The following CLVS1 variants were observed in gnomAD, a reference collection of about 807,000 sequenced individuals.
CLVS1 encodes clavesin-1.
Under a neutral mutation model 33.1 loss-of-function variants are expected in CLVS1, and 10 were observed. The ratio of observed to expected loss-of-function variants is 0.30; its 90% CI spans 0.19 to 0.51. The LOEUF (loss-of-function observed/expected upper bound fraction) is 0.51. CLVS1 is among the 20% of genes least tolerant of loss of function. The probability of loss-of-function intolerance (pLI) is 0.97; values close to 1 mark genes in which losing one functional copy is unlikely to be tolerated. For missense variants in CLVS1, 343 were observed against 433.4 expected, an observed-to-expected ratio of 0.79 and a Z score of 1.85; for synonymous variants, 163 against 166.1, an observed-to-expected ratio of 0.98 and a Z score of 0.14.
intron 3 of CLVS1, among the ~76,000 whole-genome samples, chr8:61,437,470 C>T (rs931636250): frequency 1.3e-5 from 2 of 152,074 alleles, no homozygotes; most frequent in Non-Finnish European, 2.9e-5. Context: ...TATGGAGAAG[C>T]AATGTATACT....
chr8:61,366,616 G>A (rs1226492393), intron 2 of CLVS1, among the ~76,000 whole-genome samples: 2 of 152,184 alleles, frequency 1.3e-5, no homozygotes, highest in Non-Finnish European at 2.9e-5. Context: ...AAGGCAAGTT[G>A]GCACCATGCC....
chr8:60,985,261 G>A, the CLVS1 span, among the ~76,000 whole-genome samples: 1 of 152,202 alleles, frequency 6.6e-6, no homozygotes, highest in South Asian at 2.1e-4. Context: ...TCCGCTGTGA[G>A]TCCCCAGCTT....
chr8:61,316,548 A>G (rs1421316877), intron 2 of CLVS1, among the ~76,000 whole-genome samples: 2 of 152,218 alleles, frequency 1.3e-5, no homozygotes, highest in African/African-American at 4.8e-5. Context: ...GCTGTATCCT[A>G]ACTATGAAGT....
chr8:61,147,422 C>T (rs1028293183), intron 2 of CLVS1, among the ~76,000 whole-genome samples: 8 of 152,048 alleles, frequency 5.3e-5, no homozygotes, highest in Non-Finnish European at 1.0e-4. Flanking sequence ...TGAAAAAACC[C>T]GGGTGTAAAA....
intron 2 of CLVS1, among the ~76,000 whole-genome samples, chr8:61,358,061 T>A (rs1585854634): frequency 6.6e-6 from 1 of 152,210 alleles, no homozygotes; most frequent in East Asian, 1.9e-4. Flanking sequence ...AAATCCTGTT[T>A]CTTAAAGTCA....
rs140364985 is a variant in CLVS1, at chr8:61,178,557, C to T, written c.-152+46697C>T. On this transcript the variant is annotated intron_variant, in intron 2 of 2. Coordinates refer to the CLVS1 transcript ENST00000522621. Reference sequence around the variant, plus strand: ...AGACACATAATCATCAGATTCTCCACGGTTGAAATGAAGGAAAAAATGTTA... The same window carrying T: ...AGACACATAATCATCAGATTCTCCATGGTTGAAATGAAGGAAAAAATGTTA... Among the ~76,000 whole-genome samples, 880 of 152,084 alleles carry T rather than the reference C, an allele frequency of 5.8e-3. 3 individuals are homozygous for T. The highest frequency in any genetic ancestry group is 9.0e-3 in the Non-Finnish European group (611 of 67,998).
intron 2 of CLVS1, among the ~76,000 whole-genome samples, chr8:61,203,644 G>A (rs914515058): frequency 4.6e-5 from 7 of 152,138 alleles, no homozygotes; most frequent in Admixed American, 2.6e-4. Flanking sequence ...AGTCTTTGAA[G>A]AGGAACCTTT....
chr8:61,225,664 T>C (rs1014660143), intron 2 of CLVS1, among the ~76,000 whole-genome samples: 1 of 152,238 alleles, frequency 6.6e-6, no homozygotes, highest in Non-Finnish European at 1.5e-5. Context: ...AAAATCCTAC[T>C]TTATTTTTTC....
chr8:61,116,626 G>A (rs1350888489), intron 1 of CLVS1, among the ~76,000 whole-genome samples: 1 of 151,730 alleles, frequency 6.6e-6, no homozygotes, highest in Non-Finnish European at 1.5e-5. Context: ...ATTAAATAGG[G>A]AATCCTTTCC....
At chr8:61,152,998 C>T (rs1585647382) in intron 2 of CLVS1, among the ~76,000 whole-genome samples, 1 of 152,014 alleles carries the variant, frequency 6.6e-6, no homozygotes, top group Admixed American at 6.5e-5. Context: ...AAGTTGGTCT[C>T]TACAAAATAC....
chr8:61,063,295 T>TAGAG lies in CLVS1; in HGVS notation c.-243+6077_-243+6080dup, dbSNP rs1303574345. ...AGAGAGAGAGAGAGAGAGAGAGAGA[T>TAGAG]AGAGAGAGAGAGAGAACAGTCATTT... On this transcript the variant is annotated intron_variant, in intron 1 of 2. Transcript: ENST00000522621. Among the ~76,000 whole-genome samples the TAGAG allele has an allele frequency of 5.2e-5, 5 of 95,386 alleles. No individual in the cohort carries two copies. In the East Asian group the frequency reaches 8.4e-4, roughly 16 times the overall value. The allele number at this position is 95,386 out of a possible 152,430, so 62.6% of individuals were successfully genotyped here.
chr8:61,093,028 A>G (rs1053521858), intron 1 of CLVS1, among the ~76,000 whole-genome samples: 6 of 152,144 alleles, frequency 3.9e-5, no homozygotes, highest in African/African-American at 7.2e-5. Flanking sequence ...CAAAATGGGA[A>G]GGGCTCAGTA....
rs60789347 is a variant in CLVS1, at chr8:61,330,923, C to CAA, written c.455+30655_455+30656dup. Among the ~76,000 whole-genome samples, 1,220 of 124,648 alleles carry CAA rather than the reference C, an allele frequency of 9.8e-3. 16 individuals are homozygous for CAA. Among genetic ancestry groups the CAA allele is most frequent in the African/African-American group, 0.034 (1,170 of 34,112 alleles). The allele number at this position is 124,648 out of a possible 152,430, so 81.8% of individuals were successfully genotyped here. On this transcript the variant is annotated intron_variant, in intron 2 of 5. Transcript: ENST00000325897. ...TGGGCAACATACTGAAGCCCCATTT[C>CAA]AAAAAAAAAAAAAAATTAGCTAGGC...
At chr8:61,039,620 G>T in the CLVS1 span, among the ~76,000 whole-genome samples, 72 of 152,098 alleles carry the variant, frequency 4.7e-4, no homozygotes, top group Middle Eastern at 3.4e-3. Flanking sequence ...ACAGCTCACT[G>T]CAGCCTCCAC....
At chr8:61,017,284 G>A in the CLVS1 span, among the ~76,000 whole-genome samples, 1 of 152,206 alleles carries the variant, frequency 6.6e-6, no homozygotes, top group Non-Finnish European at 1.5e-5. Flanking sequence ...TTAAATCCAT[G>A]TGTCTCTGAT....
At chr8:61,136,534 G>A (rs1056132915) in intron 2 of CLVS1, among the ~76,000 whole-genome samples, 1 of 152,158 alleles carries the variant, frequency 6.6e-6, no homozygotes, top group African/African-American at 2.4e-5. Context: ...TCCTTTGCAG[G>A]GACATGGATG....
intron 2 of CLVS1, among the ~76,000 whole-genome samples, chr8:61,145,328 TA>T (rs1187976929): frequency 1.4e-4 from 22 of 152,138 alleles, no homozygotes; most frequent in African/African-American, 5.3e-4. Context: ...TTTTTTACAG[TA>T]AAAAGACAAG....
chr8:61,413,219 A>G (rs1815301282), intron 3 of CLVS1, among the ~76,000 whole-genome samples: 1 of 152,318 alleles, frequency 6.6e-6, no homozygotes, highest in Middle Eastern at 3.4e-3. Context: ...CCCCTGGTAG[A>G]AGATTTATTT....
the CLVS1 span, among the ~76,000 whole-genome samples, chr8:61,047,207 T>C: frequency 2.0e-5 from 3 of 152,082 alleles, no homozygotes; most frequent in South Asian, 6.2e-4. Context: ...CATGAAAAAA[T>C]GCTCACCATC....
Sources: gnomAD v4.1 joint callset for allele counts (sites outside exome capture counted in the v4.1 genomes callset) on GRCh38, gnomAD v4.1.1 for gene constraint, MANE v1.5 for transcripts, NCBI Gene and HGNC (gene_info 2026-07-23, HGNC 2026-07-21) for gene names.